The following GSN variants were observed in gnomAD, a reference collection of about 807,000 sequenced individuals.
The protein encoded by GSN is actin-depolymerizing factor.
In GSN, 56 loss-of-function variants were observed where a neutral mutation model predicts 85.7. That is an observed-to-expected ratio of 0.65 (90% confidence interval 0.53 to 0.82). The LOEUF (loss-of-function observed/expected upper bound fraction) is 0.82. GSN is among the 40% of genes least tolerant of loss of function. The pLI is 0.00. For synonymous variants in GSN, 373 were observed against 399.1 expected (o/e 0.93, Z 0.78); for missense variants, 857 against 979.8 (o/e 0.87, Z 1.67).
intron 2 of GSN, chr9:121,210,206 C>G (rs2053947203): frequency 6.6e-6 from 1 of 152,224 alleles, no homozygotes; most frequent in South Asian, 2.1e-4. Context: ...GTGTCAACTA[C>G]TTCCCTGTTC....
Position 121,280,602 on chromosome 9 carries a change from A to C in GSN, c.-102-868A>C, listed in dbSNP as rs1380994071. On this transcript the variant is annotated intron_variant, in intron 1 of 17. Coordinates refer to ENST00000432226, the MANE Select transcript of GSN (RefSeq NM_198252.3). ...CACATGTGCAGGATGAGAAAGATAC[A>C]ATTTGCAGGCAAAAGACTTAGAAAT... 2.0e-5 allele frequency among the ~76,000 whole-genome samples: 3 copies of C among 152,248 alleles called. No homozygotes were observed. In the East Asian group the frequency reaches 5.8e-4, roughly 29 times the overall value.
intron 4 of GSN, among the ~76,000 whole-genome samples, chr9:121,304,538 T>C (rs2060208165): frequency 6.6e-6 from 1 of 152,260 alleles, no homozygotes; most frequent in Non-Finnish European, 1.5e-5. Flanking sequence ...CTGTAACTGC[T>C]GTGAGACTTT....
At chr9:121,269,074 G>C (rs181201658) in intron 1 of GSN, among the ~76,000 whole-genome samples, 119 of 152,330 alleles carry the variant, frequency 7.8e-4, no homozygotes, top group African/African-American at 2.8e-3. Flanking sequence ...ACCCTCCTCA[G>C]AGCATGGAAG....
intron 4 of GSN, among the ~76,000 whole-genome samples, chr9:121,303,460 T>A (rs548608176): frequency 2.0e-5 from 3 of 152,324 alleles, no homozygotes; most frequent in Admixed American, 2.0e-4. Context: ...GGGCCCCGTG[T>A]TAAGTATTTA....
intron 1 of GSN, among the ~76,000 whole-genome samples, chr9:121,269,603 C>A (rs536656305): frequency 6.6e-6 from 1 of 152,098 alleles, no homozygotes; most frequent in Admixed American, 6.5e-5. Flanking sequence ...TGGGAACGGT[C>A]GGCTTTCAGC....
chr9:121,284,800 T>A (rs1266667708), intron 2 of GSN: 1 of 167,040 alleles, frequency 6.0e-6, no homozygotes, highest in Non-Finnish European at 1.5e-5. Context: ...TTCAGAACAA[T>A]TAGTCCATGG....
At chr9:121,300,042 C>A in intron 2 of GSN, 1 of 1,567,954 alleles carries the variant, frequency 6.4e-7, no homozygotes, top group Non-Finnish European at 8.7e-7. Context: ...CCCGGAGTAA[C>A]TCTCTATTGT....
chr9:121,313,933 G>A lies in GSN; in HGVS notation c.664-1G>A. ...CCTCTCCATCTCTCTATCTCCTACA[G>A]GTGCTGGGCCCCAAGCCGGCTCTGC... On this transcript the variant is annotated splice_acceptor_variant, in intron 6 of 17. Coordinates refer to ENST00000432226, the MANE Select transcript of GSN (RefSeq NM_198252.3). LOFTEE classifies it high-confidence loss of function. 1 of 1,612,780 alleles carries A rather than the reference G, an allele frequency of 6.2e-7. No homozygotes were observed. The highest frequency in any genetic ancestry group is 8.5e-7 in the Non-Finnish European group (1 of 1,178,728).
At position 121,299,392 on chromosome 9, in the gene GSN, A is replaced by G; in HGVS notation, c.-9-2571A>G. ...TTACAAGCTGTGTGCAAGTTGCTTCACCACTCTGCGCTGTTCCCCCCTCTG... is the reference window on the plus strand; with the variant it reads ...TTACAAGCTGTGTGCAAGTTGCTTCGCCACTCTGCGCTGTTCCCCCCTCTG... On this transcript the variant is annotated intron_variant, in intron 2 of 17. Coordinates refer to ENST00000432226, the MANE Select transcript of GSN (RefSeq NM_198252.3). This position sits in a 1 kb window ranked among gnomAD's most constrained non-coding sequence, Gnocchi z 4.2. The G allele has an allele frequency of 1.0e-6, 1 of 974,316 alleles. No homozygotes were observed. Among genetic ancestry groups the G allele is most frequent in the African/African-American group, 1.7e-5 (1 of 57,154 alleles). 60.4% of individuals were successfully genotyped at this position (974,316 alleles called of 1,614,324 possible). A position where few individuals can be genotyped will look rare whatever the true frequency, so the allele number is the denominator to read the frequency against.
intron 4 of GSN, among the ~76,000 whole-genome samples, chr9:121,226,807 C>G (rs1193930827): frequency 1.3e-5 from 2 of 152,100 alleles, no homozygotes; most frequent in Non-Finnish European, 2.9e-5. Flanking sequence ...ACCAGAAAGG[C>G]CAAGCCACTG....
intron 2 of GSN, among the ~76,000 whole-genome samples, chr9:121,298,802 A>G (rs2059458834): frequency 6.6e-6 from 1 of 152,052 alleles, no homozygotes; most frequent in African/African-American, 2.4e-5. Context: ...GCTAGGAGGG[A>G]GGAGAGGGGT....
At position 121,299,774 on chromosome 9, in the gene GSN, CGG is replaced by C; in HGVS notation, c.-9-2188_-9-2187del. On this transcript the variant is annotated intron_variant, in intron 2 of 17. Coordinates refer to ENST00000432226, the MANE Select transcript of GSN (RefSeq NM_198252.3). This position sits in a 1 kb window ranked among gnomAD's most constrained non-coding sequence, Gnocchi z 4.2. Reference sequence around the variant, plus strand: ...CGCGCCCTCCCTGGGGGGCGGTCCCCGGCTTGGGCGGGATGGGCGGGCGGCTA... The same window carrying C: ...CGCGCCCTCCCTGGGGGGCGGTCCCCCTTGGGCGGGATGGGCGGGCGGCTA... 1 of 1,212,926 alleles carries C rather than the reference CGG, an allele frequency of 8.2e-7. No individual in the cohort carries two copies. The highest frequency in any genetic ancestry group is 2.3e-5 in the South Asian group (1 of 43,744). The allele number at this position is 1,212,926 out of a possible 1,614,324, so 75.1% of individuals were successfully genotyped here.
Position 121,324,751 on chromosome 9 carries a change from G to GTCCATCCATCCATCCA in GSN, c.1416+137_1416+152dup, listed in dbSNP as rs57419831. The stretch of plus-strand genomic sequence containing the variant: ...CATTCGTTTGTCCATCTGTCTGTCT[G>GTCCATCCATCCATCCA]TCCATCCATCCATCCATCCATCCAT... On this transcript the variant is annotated intron_variant, in intron 12 of 17. Coordinates refer to ENST00000432226, the MANE Select transcript of GSN (RefSeq NM_198252.3). 36 of 679,642 alleles carry GTCCATCCATCCATCCA rather than the reference G, an allele frequency of 5.3e-5. 1 individual carries two copies. The highest frequency in any genetic ancestry group is 4.5e-4 in the East Asian group (16 of 35,492). The allele number at this position is 679,642 out of a possible 1,614,324, so 42.1% of individuals were successfully genotyped here.
intron 3 of GSN, 85 bp from the exon 4 acceptor site, chr9:121,302,826 C>T: frequency 7.3e-7 from 1 of 1,362,538 alleles, no homozygotes. Context: ...CAGGGCAGTG[C>T]TGGGGTTCCT....
At chr9:121,298,146 A>G (rs1034853656) in intron 2 of GSN, among the ~76,000 whole-genome samples, 4 of 151,504 alleles carry the variant, frequency 2.6e-5, no homozygotes, top group African/African-American at 9.7e-5. Context: ...TCAGTGTGGC[A>G]CACAGGCCTC....
chr9:121,302,043 G>C lies in GSN; in HGVS notation c.72G>C (p.Lys24Asn), dbSNP rs1183056346. The C allele has an allele frequency of 1.2e-6, 2 of 1,614,156 alleles. No homozygotes were observed. The highest frequency in any genetic ancestry group is 1.7e-6 in the Non-Finnish European group (2 of 1,180,042). ...GCCTGCAGATCTGGCGTGTGGAGAA[G>C]TTCGATCTGGTGCCCGTGCCCACCA... is the stretch of plus-strand genomic sequence containing the variant. Reference protein sequence around the residue: ...EPGLQIWRVEKFDLVPVPTNL... With the variant: ...EPGLQIWRVENFDLVPVPTNL... The change falls in exon 3 of 18, where the codon AAG (lysine) becomes AAC (asparagine). Residue 24 changes from lysine to asparagine, a missense_variant. Transcript: ENST00000432226.
intron 5 of GSN, among the ~76,000 whole-genome samples, chr9:121,232,005 T>G (rs1406706862): frequency 6.6e-6 from 1 of 152,120 alleles, no homozygotes; most frequent in Non-Finnish European, 1.5e-5. Flanking sequence ...AGGCGGAGGT[T>G]GAAGTGAACT....
Position 121,329,719 on chromosome 9 carries a change from G to C in GSN, c.1965+404G>C, listed in dbSNP as rs936666434. ...AGGCTCTAGAGGGCTCCTGCTTCTG[G>C]TTTGAGGGCTCTGGGCTCTGTCTCC... On this transcript the variant is annotated intron_variant, in intron 16 of 17. Coordinates refer to ENST00000432226, the MANE Select transcript of GSN (RefSeq NM_198252.3). This position sits in a 1 kb window ranked among gnomAD's most constrained non-coding sequence, Gnocchi z 4.6. 6.6e-6 allele frequency among the ~76,000 whole-genome samples: 1 copy of C among 152,306 alleles called. No homozygotes were observed.
At chr9:121,277,542 C>T (rs1240516559) in intron 1 of GSN, among the ~76,000 whole-genome samples, 1 of 152,166 alleles carries the variant, frequency 6.6e-6, no homozygotes, top group African/African-American at 2.4e-5. Flanking sequence ...GACCCAGTGA[C>T]AGTAATAGGG....
Sources: allele counts gnomAD v4.1 joint callset (sites outside exome capture counted in the v4.1 genomes callset), GRCh38; gene constraint gnomAD v4.1.1; non-coding constraint Gnocchi (gnomAD v3.1); transcripts MANE v1.5; gene names NCBI Gene and HGNC (gene_info 2026-07-23, HGNC 2026-07-21).